The following ZNF341 variants were observed in gnomAD, a reference collection of about 807,000 sequenced individuals.
ZNF341 encodes zinc finger protein 341.
In ZNF341, 52 loss-of-function variants were observed where a neutral mutation model predicts 87.7. The ratio of observed to expected loss-of-function variants is 0.59; its 90% CI spans 0.47 to 0.75. The LOEUF is 0.75. Among genes scored for constraint, ZNF341 ranks in the 30% least tolerant of loss-of-function variants. The pLI is 0.00. For missense variants in ZNF341, 977 were observed against 1,145.9 expected, an observed-to-expected ratio of 0.85 and a Z score of 2.13; for synonymous variants, 459 against 472.7, an observed-to-expected ratio of 0.97 and a Z score of 0.38.
intron 7 of ZNF341, among the ~76,000 whole-genome samples, chr20:33,761,186 A>C (rs912803881): frequency 6.6e-6 from 1 of 152,070 alleles, no homozygotes; most frequent in African/African-American, 2.4e-5. Flanking sequence ...AGTTGATTTG[A>C]AGAAAAATGT....
Position 33,745,103 on chromosome 20 carries a change from A to G in ZNF341, c.143A>G (p.Asp48Gly). Reference protein sequence around the residue: ...VNAPPAIQPLDDEDVFLCGKC... With the variant: ...VNAPPAIQPLGDEDVFLCGKC... ...CACTACTCTGCGGGTATGACCCCAG[A>G]TGACGAGGATGTATTTCTCTGCGGG... The change falls in exon 3 of 15, where the codon GAT (aspartate) becomes GGT (glycine). Residue 48 changes from aspartate (D) to glycine (G), a missense_variant and splice_region_variant. By Grantham distance (94) the Asp-to-Gly change is moderately conservative (BLOSUM62 -1). Transcript: ENST00000375200. The G allele has an allele frequency of 6.2e-7, 1 of 1,608,420 alleles. No homozygotes were observed. The highest frequency in any genetic ancestry group is 8.5e-7 in the Non-Finnish European group (1 of 1,175,150).
Position 33,790,990 on chromosome 20 carries a change from A to C in ZNF341, c.2038A>C (p.Met680Leu), listed in dbSNP as rs1418533235. 1.9e-6 allele frequency: 3 copies of C among 1,609,466 alleles called. No homozygotes were observed. Among genetic ancestry groups the C allele is most frequent in the East Asian group, 2.2e-5 (1 of 44,830 alleles). ...ACTGACTTTCCCTTGCCCTCCAGGC[A>C]TGAAGCTCCACAAATGCGCCCTGTG... ...LKAHILSHSG[M>L]KLHKCALCSK... Residue 680 changes from methionine to leucine, a missense_variant and splice_region_variant, in exon 15 of 15, where the codon ATG becomes CTG. Met to Leu is a conservative substitution (Grantham distance 15). Coordinates refer to ENST00000375200, the MANE Select transcript of ZNF341 (RefSeq NM_001282933.2).
At chr20:33,780,732 A>G (rs2019725044) in intron 10 of ZNF341, among the ~76,000 whole-genome samples, 1 of 149,248 alleles carries the variant, frequency 6.7e-6, no homozygotes, top group South Asian at 2.1e-4. Flanking sequence ...TCTTATTTAA[A>G]TAGAGACAGG....
At chr20:33,765,467 C>T (rs2019384715) in intron 8 of ZNF341, among the ~76,000 whole-genome samples, 1 of 151,838 alleles carries the variant, frequency 6.6e-6, no homozygotes, top group Non-Finnish European at 1.5e-5. Context: ...CAGCCTCAAC[C>T]TCCCGGGCTC....
At chr20:33,772,894 G>A (rs893365218) in intron 10 of ZNF341, among the ~76,000 whole-genome samples, 1 of 152,186 alleles carries the variant, frequency 6.6e-6, no homozygotes, top group Non-Finnish European at 1.5e-5. Context: ...AAGACTCTGG[G>A]AAATGGGGCA....
intron 6 of ZNF341, 53 bp downstream of exon 6, chr20:33,757,396 A>C (rs748532726): frequency 2.8e-5 from 39 of 1,382,744 alleles, no homozygotes; most frequent in Non-Finnish European, 3.5e-5. Flanking sequence ...CCAATCCACA[A>C]GCTACTTGGT....
intron 4 of ZNF341, 42 bp downstream of exon 4, chr20:33,749,114 C>G (rs753064876): frequency 6.3e-7 from 1 of 1,586,526 alleles, no homozygotes; most frequent in Non-Finnish European, 8.6e-7. Context: ...GATTCCAGAC[C>G]TGTACATTAA....
chr20:33,744,777 A>G (rs1050011147), intron 2 of ZNF341, among the ~76,000 whole-genome samples: 1 of 152,024 alleles, frequency 6.6e-6, no homozygotes, highest in African/African-American at 2.4e-5. Context: ...TTTTTAGTGG[A>G]GATGGGGTTT....
At chr20:33,734,555 T>C (rs1449550211) in intron 1 of ZNF341, among the ~76,000 whole-genome samples, 1 of 150,922 alleles carries the variant, frequency 6.6e-6, no homozygotes, top group African/African-American at 2.4e-5. Context: ...AAATGGGGAG[T>C]GGGGAGGGGG....
intron 10 of ZNF341, 42 bp downstream of exon 10, chr20:33,770,334 G>T (rs375829023): frequency 3.5e-6 from 5 of 1,426,428 alleles, no homozygotes; most frequent in Admixed American, 1.7e-5. Context: ...GGACGGGTGG[G>T]TGGGCAGGGA....
chr20:33,776,388 TG>T (rs2019627713), intron 10 of ZNF341, among the ~76,000 whole-genome samples: 4 of 150,536 alleles, frequency 2.7e-5, no homozygotes, highest in African/African-American at 9.8e-5. Flanking sequence ...CCACTGCACC[TG>T]GCCTTTTTTT....
At position 33,785,065 on chromosome 20, in the gene ZNF341, ATTAG is replaced by A. The variant is rs577984022; in HGVS notation, c.1852+1205_1852+1208del. Among the ~76,000 whole-genome samples the A allele has an allele frequency of 5.7e-4, 87 of 152,270 alleles. 1 individual carries two copies. In the South Asian group the frequency reaches 0.017, roughly 30 times the overall value. The stretch of plus-strand genomic sequence containing the variant: ...TTTCTATTAATCTTTAGATTTTTTT[ATTAG>A]TTAAATTTTTTAATTGCTTTTTAAT... On this transcript the variant is annotated intron_variant, in intron 12 of 14. Coordinates refer to ENST00000375200, the MANE Select transcript of ZNF341 (RefSeq NM_001282933.2).
chr20:33,778,853 G>C (rs1345426969), intron 10 of ZNF341, among the ~76,000 whole-genome samples: 1 of 151,988 alleles, frequency 6.6e-6, no homozygotes, highest in Non-Finnish European at 1.5e-5. Flanking sequence ...TTTTTTGTCT[G>C]ATAATACCCT....
At position 33,777,373 on chromosome 20, in the gene ZNF341, A is replaced by ACCTGTAAT. The variant is rs1303105666; in HGVS notation, c.1623-3915_1623-3908dup. On this transcript the variant is annotated intron_variant, in intron 10 of 14. Coordinates refer to ENST00000375200, the MANE Select transcript of ZNF341 (RefSeq NM_001282933.2). ...AATCAGGCCAGGTGCGGTGGCTCACACCTGTAATCCCAACACTTTGGGAGG... is the reference window on the plus strand; with the variant it reads ...AATCAGGCCAGGTGCGGTGGCTCACACCTGTAATCCTGTAATCCCAACACTTTGGGAGG... Among the ~76,000 whole-genome samples, 10 of 146,910 alleles carry ACCTGTAAT rather than the reference A, an allele frequency of 6.8e-5. No homozygotes were observed. In the East Asian group the frequency reaches 2.0e-3, roughly 30 times the overall value.
At chr20:33,738,551 G>A (rs2018740336) in intron 1 of ZNF341, among the ~76,000 whole-genome samples, 1 of 152,192 alleles carries the variant, frequency 6.6e-6, no homozygotes, top group African/African-American at 2.4e-5. Context: ...TTAAAGGCAA[G>A]ATGGGGGTTC....
At chr20:33,772,226 CA>C (rs2019548294) in intron 10 of ZNF341, among the ~76,000 whole-genome samples, 1 of 152,044 alleles carries the variant, frequency 6.6e-6, no homozygotes, top group Non-Finnish European at 1.5e-5. Flanking sequence ...CATTTGCCTG[CA>C]TCATCTGGGA....
rs768179431 is a variant in ZNF341, at chr20:33,749,210, G to A, written c.489+138G>A. The A allele has an allele frequency of 4.0e-6, 5 of 1,256,096 alleles. No individual in the cohort carries two copies. The African/African-American group carries it at 7.5e-5, about 19-fold the overall frequency. The allele number at this position is 1,256,096 out of a possible 1,614,324, so 77.8% of individuals were successfully genotyped here. A position where few individuals can be genotyped will look rare whatever the true frequency, so the allele number is the denominator to read the frequency against. The stretch of plus-strand genomic sequence containing the variant: ...TGAGGGAGGCTATCAGCTTTCCCTT[G>A]TCCAGCTCTGCTATAGATGGGGAAG... On this transcript the variant is annotated intron_variant, in intron 4 of 14. Coordinates refer to ENST00000375200, the MANE Select transcript of ZNF341 (RefSeq NM_001282933.2).
At chr20:33,766,023 C>T (rs936611573) in intron 8 of ZNF341, among the ~76,000 whole-genome samples, 3 of 152,136 alleles carry the variant, frequency 2.0e-5, no homozygotes, top group African/African-American at 7.2e-5. Context: ...GCTGGGATTA[C>T]AGGTGTGCGT....
chr20:33,755,883 C>T (rs188130204), intron 5 of ZNF341, among the ~76,000 whole-genome samples: 1 of 152,146 alleles, frequency 6.6e-6, no homozygotes, highest in Admixed American at 6.5e-5. Flanking sequence ...CATGAGCCAT[C>T]GTGCCTGGCC....
Sources: allele counts gnomAD v4.1 joint callset (sites outside exome capture counted in the v4.1 genomes callset), GRCh38; gene constraint gnomAD v4.1.1; transcripts MANE v1.5; gene names NCBI Gene and HGNC (gene_info 2026-07-23, HGNC 2026-07-21).